Variants in NAALADL2 observed in about 807,000 individuals in gnomAD.
The protein encoded by NAALADL2 is inactive N-acetylated-alpha-linked acidic dipeptidase-like protein 2.
A neutral mutation model predicts 87.2 loss-of-function variants in NAALADL2; 76 were observed. The ratio of observed to expected loss-of-function variants is 0.87; its 90% CI spans 0.72 to 1.05. The LOEUF is 1.05. Ranked by LOEUF, NAALADL2 falls within the 50% of genes least tolerant of loss-of-function variation. The probability of loss-of-function intolerance (pLI) is 0.00; values close to 1 mark genes in which losing one functional copy is unlikely to be tolerated. For missense variants in NAALADL2, 1,089 were observed against 945.8 expected, an observed-to-expected ratio of 1.15 and a Z score of -1.99; for synonymous variants, 354 against 331.0, an observed-to-expected ratio of 1.07 and a Z score of -0.75.
intron 5 of NAALADL2, among the ~76,000 whole-genome samples, chr3:175,439,731 C>CTTTTTTTTTTTTTTT (rs535237866): frequency 1.5e-4 from 17 of 113,756 alleles, no homozygotes; most frequent in Admixed American, 2.7e-4. Flanking sequence ...GTTTTTTTTT[C>CTTTTTTTTTTTTTTT]TTTTTTTTCT....
intron 3 of NAALADL2, among the ~76,000 whole-genome samples, chr3:174,849,691 C>T (rs985329031): frequency 4.2e-5 from 6 of 143,028 alleles, no homozygotes; most frequent in South Asian, 2.3e-4. Context: ...GCTGAGATCG[C>T]GCCATTGCAC....
At chr3:175,517,725 G>A (rs1308004493) in intron 9 of NAALADL2, among the ~76,000 whole-genome samples, 2 of 152,056 alleles carry the variant, frequency 1.3e-5, no homozygotes, top group African/African-American at 4.8e-5. Flanking sequence ...GTGAGTTTAG[G>A]AGTAGAGTCT....
intron 3 of NAALADL2, among the ~76,000 whole-genome samples, chr3:174,752,940 T>C (rs1482425669): frequency 6.6e-6 from 1 of 152,252 alleles, no homozygotes; most frequent in African/African-American, 2.4e-5. Context: ...GGAAGGCCTA[T>C]ACACATTTAA....
intron 3 of NAALADL2, among the ~76,000 whole-genome samples, chr3:175,236,666 G>T (rs558287967): frequency 2.6e-5 from 4 of 152,104 alleles, no homozygotes; most frequent in Non-Finnish European, 5.9e-5. Flanking sequence ...TGGAGGTGGT[G>T]GTGGAGGGAA....
chr3:175,281,356 G>A (rs74801488), intron 4 of NAALADL2, among the ~76,000 whole-genome samples: 1 of 151,702 alleles, frequency 6.6e-6, no homozygotes, highest in African/African-American at 2.4e-5. Context: ...TATTTTCCAT[G>A]TATAAGATTC....
At chr3:175,466,890 A>G (rs954713119) in intron 7 of NAALADL2, 89 bp from the exon 8 acceptor site, 67 of 1,115,046 alleles carry the variant, frequency 6.0e-5, no homozygotes, top group Non-Finnish European at 7.9e-5. Context: ...ATTATTGCTC[A>G]GTTGTGCAAT....
At chr3:175,160,356 C>CTTTTTTT (rs1732971358) in intron 2 of NAALADL2, among the ~76,000 whole-genome samples, 1 of 55,952 alleles carries the variant, frequency 1.8e-5, no homozygotes, top group African/African-American at 5.0e-5. Flanking sequence ...TGTATCTTTT[C>CTTTTTTT]TTTCTTTTTT....
At chr3:175,381,669 C>T (rs1767801328) in intron 5 of NAALADL2, among the ~76,000 whole-genome samples, 1 of 152,010 alleles carries the variant, frequency 6.6e-6, no homozygotes, top group African/African-American at 2.4e-5. Flanking sequence ...AATAAGAACT[C>T]ACAAAAAAAT....
chr3:174,482,210 G>A (rs1467471860), intron 1 of NAALADL2, among the ~76,000 whole-genome samples: 1 of 152,094 alleles, frequency 6.6e-6, no homozygotes, highest in African/African-American at 2.4e-5. Flanking sequence ...GCTGCCAACA[G>A]TGTTCCTGGT....
chr3:175,484,385 C>CAA (rs1366452253), intron 9 of NAALADL2, among the ~76,000 whole-genome samples: 2 of 151,888 alleles, frequency 1.3e-5, no homozygotes, highest in African/African-American at 2.4e-5. Context: ...TACAAGATAC[C>CAA]TTTTAATCAT....
At chr3:174,923,361 A>G (rs1167165926) in intron 1 of NAALADL2, among the ~76,000 whole-genome samples, 1 of 152,174 alleles carries the variant, frequency 6.6e-6, no homozygotes, top group Non-Finnish European at 1.5e-5. Flanking sequence ...TAAATAAGAA[A>G]CCAATAATAT....
intron 1 of NAALADL2, among the ~76,000 whole-genome samples, chr3:175,085,662 C>G (rs1419913213): frequency 6.6e-6 from 1 of 152,076 alleles, no homozygotes; most frequent in African/African-American, 2.4e-5. Context: ...CGGTGGCTCA[C>G]GCCTGTAATC....
chr3:175,569,625 C>G (rs1238238954), intron 9 of NAALADL2, among the ~76,000 whole-genome samples: 2 of 152,066 alleles, frequency 1.3e-5, no homozygotes, highest in Non-Finnish European at 2.9e-5. Flanking sequence ...CAAGATCTCT[C>G]TCTCTCTCTT....
At chr3:174,659,311 AAAAT>A (rs1725284692) in intron 2 of NAALADL2, among the ~76,000 whole-genome samples, 1 of 152,330 alleles carries the variant, frequency 6.6e-6, no homozygotes, top group South Asian at 2.1e-4. Context: ...AGCAAAGAGA[AAAAT>A]AACTTGTTTT....
chr3:174,705,991 C>T (rs1730032155), intron 2 of NAALADL2, among the ~76,000 whole-genome samples: 1 of 152,092 alleles, frequency 6.6e-6, no homozygotes, highest in Non-Finnish European at 1.5e-5. Flanking sequence ...TATTTAATCC[C>T]CATCTCCACT....
At chr3:175,431,390 C>G (rs1717733299) in intron 5 of NAALADL2, among the ~76,000 whole-genome samples, 1 of 151,916 alleles carries the variant, frequency 6.6e-6, no homozygotes, top group Non-Finnish European at 1.5e-5. Flanking sequence ...TTGTTTAGTT[C>G]TATTGGACAG....
rs2108772581 is a variant in NAALADL2 at position 175,003,784 on chromosome 3, T to G, written c.44-93006T>G. Reference sequence around the variant, plus strand: ...AATAGTGACTATGAAGATGACATCATTAACACTGCAGAAGAAGTGCCTATA... The same window carrying G: ...AATAGTGACTATGAAGATGACATCAGTAACACTGCAGAAGAAGTGCCTATA... On this transcript the variant is annotated intron_variant, in intron 1 of 13. Coordinates refer to ENST00000454872, the MANE Select transcript of NAALADL2 (RefSeq NM_207015.3). 2.0e-5 allele frequency among the ~76,000 whole-genome samples: 3 copies of G among 152,308 alleles called. No individual in the cohort carries two copies. In the South Asian group the frequency reaches 6.2e-4, roughly 32 times the overall value.
At chr3:175,405,812 G>A (rs1364564662) in intron 5 of NAALADL2, among the ~76,000 whole-genome samples, 2 of 152,178 alleles carry the variant, frequency 1.3e-5, no homozygotes, top group Non-Finnish European at 2.9e-5. Flanking sequence ...TAAGTACTAT[G>A]CTGTAATTAA....
At chr3:175,111,400 A>G (rs1193672929) in intron 2 of NAALADL2, among the ~76,000 whole-genome samples, 2 of 151,674 alleles carry the variant, frequency 1.3e-5, no homozygotes, top group Non-Finnish European at 3.0e-5. Flanking sequence ...GGGTATTAAT[A>G]TAACTCTGTC....
Sources: allele counts gnomAD v4.1 joint callset (sites outside exome capture counted in the v4.1 genomes callset), GRCh38; gene constraint gnomAD v4.1.1; transcripts MANE v1.5; gene names NCBI Gene and HGNC (gene_info 2026-07-23, HGNC 2026-07-21).